Variants in MAGI2 observed in about 807,000 individuals in gnomAD.
MAGI2 encodes membrane associated guanylate kinase, WW and PDZ domain containing 2.
A neutral mutation model predicts 133.3 loss-of-function variants in MAGI2; 35 were observed. The observed-to-expected ratio is 0.26, with a 90% CI of 0.20 to 0.35. MAGI2 has a LOEUF of 0.35. Ranked by LOEUF, MAGI2 falls within the 10% of genes least tolerant of loss-of-function variation. The probability of loss-of-function intolerance (pLI) is 1.00; values close to 1 mark genes in which losing one functional copy is unlikely to be tolerated. For synonymous variants in MAGI2, 729 were observed against 710.6 expected, an observed-to-expected ratio of 1.03 and a Z score of -0.41; for missense variants, 1,636 against 1,863.4, an observed-to-expected ratio of 0.88 and a Z score of 2.25.
chr7:78,736,064 C>T lies in MAGI2; in HGVS notation c.419-108825G>A, dbSNP rs560396635. 1.0e-3 allele frequency among the ~76,000 whole-genome samples: 153 copies of T among 152,208 alleles called. 2 individuals are homozygous for T. Among genetic ancestry groups the T allele is most frequent in the African/African-American group, 3.5e-3 (146 of 41,542 alleles). On this transcript the variant is annotated intron_variant, in intron 2 of 21. Transcript: ENST00000354212. ...TAGGAAGAAGACGTGAAATATTATACGAATTCATGAATAAGCACAAAGAGA... is the reference window on the plus strand; with the variant it reads ...TAGGAAGAAGACGTGAAATATTATATGAATTCATGAATAAGCACAAAGAGA...
intron 2 of MAGI2, among the ~76,000 whole-genome samples, chr7:78,733,679 T>G (rs1821581858): frequency 6.6e-6 from 1 of 152,190 alleles, no homozygotes; most frequent in Non-Finnish European, 1.5e-5. Context: ...CAAATAATGT[T>G]GTGTTATACT....
chr7:79,291,959 G>T (rs1355621090), intron 1 of MAGI2, among the ~76,000 whole-genome samples: 1 of 151,582 alleles, frequency 6.6e-6, no homozygotes, highest in Admixed American at 6.6e-5. Context: ...TGATTTTACT[G>T]TCATGATTAA....
chr7:78,771,343 A>AG (rs1563484374), intron 2 of MAGI2: 1 of 152,190 alleles, frequency 6.6e-6, no homozygotes, highest in Non-Finnish European at 1.5e-5. Flanking sequence ...TGGGAAAGGG[A>AG]GGGGGGCGGC....
At chr7:78,160,721 GT>G (rs1431552773) in intron 15 of MAGI2, among the ~76,000 whole-genome samples, 1 of 152,186 alleles carries the variant, frequency 6.6e-6, no homozygotes, top group African/African-American at 2.4e-5. Context: ...CCCACAGAAT[GT>G]TTTCTCAGTA....
At chr7:78,319,510 C>T (rs972659004) in intron 9 of MAGI2, among the ~76,000 whole-genome samples, 7 of 152,182 alleles carry the variant, frequency 4.6e-5, no homozygotes, top group African/African-American at 1.7e-4. Flanking sequence ...AACTGAACAA[C>T]CTGCTCCTGA....
intron 2 of MAGI2, among the ~76,000 whole-genome samples, chr7:78,995,111 A>G (rs185237176): frequency 6.6e-6 from 1 of 152,104 alleles, no homozygotes; most frequent in Non-Finnish European, 1.5e-5. Flanking sequence ...TCCCTGGGCT[A>G]CATTGGAAGA....
At chr7:78,412,895 C>T (rs761699621) in intron 6 of MAGI2, among the ~76,000 whole-genome samples, 8 of 152,040 alleles carry the variant, frequency 5.3e-5, no homozygotes, top group Admixed American at 1.3e-4. Context: ...ATTTTTGAAG[C>T]CTAAAATATA....
chr7:78,781,380 C>CAAAAAAAAAAAA (rs748533885), intron 2 of MAGI2, among the ~76,000 whole-genome samples: 1 of 101,030 alleles, frequency 9.9e-6, no homozygotes, highest in African/African-American at 3.9e-5. Context: ...CTCCGTCTCA[C>CAAAAAAAAAAAA]AAAAAAAAAA....
At chr7:79,021,846 G>GT (rs909020500) in intron 1 of MAGI2, among the ~76,000 whole-genome samples, 3 of 96,748 alleles carry the variant, frequency 3.1e-5, no homozygotes, top group African/African-American at 1.0e-4. Flanking sequence ...CTGCGTCTTT[G>GT]TCCCAACCAA....
At chr7:78,996,611 T>C (rs1033836563) in intron 2 of MAGI2, among the ~76,000 whole-genome samples, 2 of 152,174 alleles carry the variant, frequency 1.3e-5, no homozygotes, top group African/African-American at 4.8e-5. Flanking sequence ...ACCCCCATGA[T>C]ACAAGTTTAC....
chr7:79,102,173 G>T (rs1818042718), intron 1 of MAGI2, among the ~76,000 whole-genome samples: 1 of 151,896 alleles, frequency 6.6e-6, no homozygotes. Flanking sequence ...AGAACGTACA[G>T]GTTTGTTACA....
intron 6 of MAGI2, among the ~76,000 whole-genome samples, chr7:78,445,336 C>T (rs17150767): frequency 0.013 from 1,958 of 152,096 alleles, 42 homozygotes; most frequent in African/African-American, 0.044. Context: ...TTGAAATCAA[C>T]GAACGATTAT....
chr7:78,255,405 T>C (rs1294566785), intron 10 of MAGI2: 1 of 196,348 alleles, frequency 5.1e-6, no homozygotes, highest in Non-Finnish European at 1.0e-5. Flanking sequence ...ACAGCATCAT[T>C]CCAAACTGTG....
intron 2 of MAGI2, among the ~76,000 whole-genome samples, chr7:78,701,756 G>C (rs1818098162): frequency 6.6e-6 from 1 of 151,866 alleles, no homozygotes. Context: ...TTTACAAACA[G>C]CTATACTTGT....
chr7:78,916,026 A>G (rs1448041034), intron 2 of MAGI2, among the ~76,000 whole-genome samples: 1 of 152,112 alleles, frequency 6.6e-6, no homozygotes, highest in Non-Finnish European at 1.5e-5. Flanking sequence ...AGAGAGATGG[A>G]TTATGCATAA....
At chr7:78,647,579 C>G (rs747733587) in intron 2 of MAGI2, among the ~76,000 whole-genome samples, 7 of 152,196 alleles carry the variant, frequency 4.6e-5, no homozygotes, top group Non-Finnish European at 8.8e-5. Flanking sequence ...TCATGGAAGA[C>G]AGTGTGGTGA....
At chr7:78,924,118 T>C (rs1262736689) in intron 2 of MAGI2, among the ~76,000 whole-genome samples, 20 of 152,206 alleles carry the variant, frequency 1.3e-4, no homozygotes, top group Non-Finnish European at 2.9e-5. Flanking sequence ...GTTTTCTAGA[T>C]ATACAATCAT....
intron 3 of MAGI2, among the ~76,000 whole-genome samples, chr7:78,577,545 C>G (rs953874146): frequency 2.0e-5 from 3 of 152,022 alleles, no homozygotes; most frequent in Admixed American, 2.0e-4. Flanking sequence ...TTTATTTCAC[C>G]TGGGTGCAGG....
intron 10 of MAGI2, among the ~76,000 whole-genome samples, chr7:78,206,156 G>A (rs909882988): frequency 6.6e-6 from 1 of 151,960 alleles, no homozygotes; most frequent in Non-Finnish European, 1.5e-5. Flanking sequence ...TTTTCACAGG[G>A]CAAAAAGATT....
Sources: allele counts gnomAD v4.1 joint callset (sites outside exome capture counted in the v4.1 genomes callset), GRCh38; gene constraint gnomAD v4.1.1; transcripts MANE v1.5; gene names NCBI Gene and HGNC (gene_info 2026-07-23, HGNC 2026-07-21).